Variants in XKR4 observed in about 807,000 individuals in gnomAD.
XKR4 encodes XK related 4, also known as XK-related protein 4.
In XKR4, 12 loss-of-function variants were observed where a neutral mutation model predicts 53.9. That is an observed-to-expected ratio of 0.22 (90% confidence interval 0.14 to 0.36). XKR4 has a LOEUF of 0.36. Among genes scored for constraint, XKR4 ranks in the 10% least tolerant of loss-of-function variants. XKR4 has a pLI of 1.00. For synonymous variants in XKR4, 354 were observed against 362.4 expected (o/e 0.98, Z 0.26); for missense variants, 799 against 859.5 (o/e 0.93, Z 0.88).
chr8:55,368,893 G>A (rs1804030784), intron 2 of XKR4, among the ~76,000 whole-genome samples: 1 of 152,164 alleles, frequency 6.6e-6, no homozygotes, highest in African/African-American at 2.4e-5. Flanking sequence ...TTACATAAAG[G>A]AAAGGACACA....
At chr8:55,226,481 A>G (rs1489907098) in intron 1 of XKR4, among the ~76,000 whole-genome samples, 3 of 152,186 alleles carry the variant, frequency 2.0e-5, no homozygotes. Flanking sequence ...TTTACACTCA[A>G]TGTCCAGGAG....
chr8:55,255,756 T>A (rs1818430299), intron 1 of XKR4, among the ~76,000 whole-genome samples: 1 of 152,070 alleles, frequency 6.6e-6, no homozygotes, highest in South Asian at 2.1e-4. Context: ...GAGCTCTTTG[T>A]TTAAGTTTGT....
At chr8:55,457,660 A>AATTT (rs1314741309) in intron 2 of XKR4, among the ~76,000 whole-genome samples, 1 of 152,244 alleles carries the variant, frequency 6.6e-6, no homozygotes, top group East Asian at 1.9e-4. Context: ...ACAGAAACTA[A>AATTT]AGTTCACGGG....
intron 1 of XKR4, chr8:55,164,094 A>G: frequency 2.4e-6 from 1 of 425,224 alleles, no homozygotes; most frequent in South Asian, 1.7e-5. Flanking sequence ...CCACATTAAG[A>G]CCTCCACCTT....
intron 1 of XKR4, among the ~76,000 whole-genome samples, chr8:55,324,122 G>A (rs898484273): frequency 6.6e-6 from 1 of 152,014 alleles, no homozygotes; most frequent in Non-Finnish European, 1.5e-5. Context: ...TTGAGACAAG[G>A]TCTTGCTCTG....
intron 2 of XKR4, among the ~76,000 whole-genome samples, chr8:55,370,078 A>G (rs575758928): frequency 3.9e-5 from 6 of 152,304 alleles, no homozygotes; most frequent in South Asian, 4.1e-4. Flanking sequence ...AACAACAACA[A>G]CAACAACAAC....
At chr8:55,401,965 C>A (rs1804607720) in intron 2 of XKR4, among the ~76,000 whole-genome samples, 1 of 152,010 alleles carries the variant, frequency 6.6e-6, no homozygotes, top group African/African-American at 2.4e-5. Flanking sequence ...TGTAAAATAA[C>A]TTGACTATTG....
intron 2 of XKR4, among the ~76,000 whole-genome samples, chr8:55,405,015 T>G (rs972308346): frequency 6.6e-6 from 1 of 152,216 alleles, no homozygotes; most frequent in African/African-American, 2.4e-5. Context: ...GAAAAAAATG[T>G]CTGGTACAAT....
intron 2 of XKR4, among the ~76,000 whole-genome samples, chr8:55,455,350 T>C (rs1026449887): frequency 5.4e-4 from 82 of 152,072 alleles, no homozygotes; most frequent in African/African-American, 1.9e-3. Flanking sequence ...TTATAGAGCT[T>C]CAGGTAAAGG....
At chr8:55,295,804 G>A (rs998806572) in intron 1 of XKR4, among the ~76,000 whole-genome samples, 1 of 148,162 alleles carries the variant, frequency 6.7e-6, no homozygotes, top group Non-Finnish European at 1.5e-5. Flanking sequence ...TACTCTTGAC[G>A]AGCTTATAAA....
chr8:55,507,402 C>A (rs1006520400), intron 2 of XKR4, among the ~76,000 whole-genome samples: 6 of 151,692 alleles, frequency 4.0e-5, no homozygotes, highest in African/African-American at 1.5e-4. Context: ...GCACAATGTG[C>A]AGGTTAGTTA....
At position 55,454,235 on chromosome 8, in the gene XKR4, G is replaced by A. The variant is rs1411823411; in HGVS notation, c.1007-69046G>A. The A allele has an allele frequency of 3.6e-5, 41 of 1,149,834 alleles. No homozygotes were observed. The East Asian group carries it at 4.7e-4, about 13-fold the overall frequency. 71.2% of individuals were successfully genotyped at this position (1,149,834 alleles called of 1,614,324 possible). A position where few individuals can be genotyped will look rare whatever the true frequency, so the allele number is the denominator to read the frequency against. The stretch of plus-strand genomic sequence containing the variant: ...GTGCACACACTCAGGGATGGTCACC[G>A]TCTCTCCATCCAGATCAGCTACAAT... On this transcript the variant is annotated intron_variant, in intron 2 of 2. Coordinates refer to ENST00000327381, the MANE Select transcript of XKR4 (RefSeq NM_052898.2).
chr8:55,244,231 C>A lies in XKR4; in HGVS notation c.807-113447C>A, dbSNP rs534805149. On this transcript the variant is annotated intron_variant, in intron 1 of 2. Coordinates refer to ENST00000327381, the MANE Select transcript of XKR4 (RefSeq NM_052898.2). ...TCTCCCTCCTCTCACCCTCCAGCCTCAAGTAGACCCCATGTCTCTTGTTCC... is the reference window on the plus strand; with the variant it reads ...TCTCCCTCCTCTCACCCTCCAGCCTAAAGTAGACCCCATGTCTCTTGTTCC... Among the ~76,000 whole-genome samples the A allele has an allele frequency of 7.9e-5, 12 of 152,296 alleles. No individual in the cohort carries two copies. In the South Asian group the frequency reaches 2.5e-3, roughly 32 times the overall value.
At chr8:55,282,895 A>G (rs1585985360) in intron 1 of XKR4, among the ~76,000 whole-genome samples, 1 of 152,244 alleles carries the variant, frequency 6.6e-6, no homozygotes, top group African/African-American at 2.4e-5. Flanking sequence ...TACTATTGTC[A>G]TGGTACTATG....
intron 2 of XKR4, among the ~76,000 whole-genome samples, chr8:55,428,250 C>A (rs1461424346): frequency 6.6e-6 from 1 of 152,110 alleles, no homozygotes; most frequent in Non-Finnish European, 1.5e-5. Context: ...ACTTTTGGCG[C>A]CCAATGATCA....
intron 2 of XKR4, among the ~76,000 whole-genome samples, chr8:55,458,422 T>C (rs964077654): frequency 6.6e-6 from 1 of 152,180 alleles, no homozygotes; most frequent in Non-Finnish European, 1.5e-5. Flanking sequence ...CCATGACCCC[T>C]GGAGTTACAG....
intron 1 of XKR4, among the ~76,000 whole-genome samples, chr8:55,214,963 C>T (rs560184266): frequency 1.1e-4 from 17 of 151,948 alleles, no homozygotes; most frequent in African/African-American, 3.9e-4. Context: ...GTGTCTTTAG[C>T]AACATAGAAT....
rs527681972 is a variant in XKR4, at chr8:55,391,205, T to C, written c.1006+33328T>C. Among the ~76,000 whole-genome samples the C allele has an allele frequency of 6.6e-5, 10 of 152,164 alleles. No homozygotes were observed. The South Asian group carries it at 2.1e-3, about 32-fold the overall frequency. On this transcript the variant is annotated intron_variant, in intron 2 of 2. Coordinates refer to ENST00000327381, the MANE Select transcript of XKR4 (RefSeq NM_052898.2). The stretch of plus-strand genomic sequence containing the variant: ...TGGGATGCCACATGACCCCATGGAG[T>C]CATACCTCAGAAAGTTACAGGTGCA...
At chr8:55,353,654 G>A (rs138435228) in intron 1 of XKR4, among the ~76,000 whole-genome samples, 11 of 152,318 alleles carry the variant, frequency 7.2e-5, no homozygotes, top group Admixed American at 5.2e-4. Context: ...AGTATTCAAG[G>A]ATGATTGGTG....
Sources: allele counts gnomAD v4.1 joint callset (sites outside exome capture counted in the v4.1 genomes callset), GRCh38; gene constraint gnomAD v4.1.1; transcripts MANE v1.5; gene names NCBI Gene and HGNC (gene_info 2026-07-23, HGNC 2026-07-21).